CDC73: variants seen among roughly 807,000 people sequenced by gnomAD.
CDC73 encodes parafibromin.
In CDC73, 21 loss-of-function variants were observed where a neutral mutation model predicts 83.7. That is an observed-to-expected ratio of 0.25 (90% CI 0.18 to 0.36). The LOEUF (loss-of-function observed/expected upper bound fraction) is 0.36, where lower values mean the gene tolerates loss of function less well. Among genes scored for constraint, CDC73 ranks in the 10% least tolerant of loss-of-function variants. The probability of loss-of-function intolerance (pLI) is 1.00; values close to 1 mark genes in which losing one functional copy is unlikely to be tolerated. For synonymous variants in CDC73, 224 were observed against 212.9 expected (o/e 1.05, Z -0.45); for missense variants, 342 against 653.3 (o/e 0.52, Z 5.19).
chr1:193,180,551 G>A (rs1676696545), intron 10 of CDC73: 2 of 1,614,058 alleles, frequency 1.2e-6, no homozygotes, highest in African/African-American at 1.3e-5. Context: ...TCTTCCAAGT[G>A]CAAACGGCGG....
intron 10 of CDC73, among the ~76,000 whole-genome samples, chr1:193,162,337 A>C (rs2370027): frequency 0.65 from 84,425 of 129,956 alleles, 28,121 homozygotes; most frequent in South Asian, 0.8. Context: ...TATATACTAT[A>C]TATTATATAT....
At chr1:193,179,396 A>G (rs1396166602) in intron 10 of CDC73, 2 of 152,654 alleles carry the variant, frequency 1.3e-5, no homozygotes, top group South Asian at 2.1e-4. Flanking sequence ...AGTACATCCT[A>G]TTTGTGCCTT....
chr1:193,231,108 T>G (rs1677655490), intron 13 of CDC73, among the ~76,000 whole-genome samples: 2 of 152,210 alleles, frequency 1.3e-5, no homozygotes, highest in Admixed American at 6.5e-5. Context: ...AGTTTGGTAT[T>G]GTAATAGATC....
intron 15 of CDC73, among the ~76,000 whole-genome samples, chr1:193,244,669 AG>A (rs1457898975): frequency 1.3e-5 from 2 of 152,206 alleles, no homozygotes; most frequent in Non-Finnish European, 2.9e-5. Flanking sequence ...TCTTTGTGTC[AG>A]CTGTTCCTTC....
chr1:193,167,339 A>G (rs1676450288), intron 10 of CDC73, among the ~76,000 whole-genome samples: 1 of 152,204 alleles, frequency 6.6e-6, no homozygotes, highest in African/African-American at 2.4e-5. Flanking sequence ...CATAGAGGCT[A>G]ATTCCTCAGC....
At chr1:193,141,357 A>T (rs910540975) in intron 6 of CDC73, among the ~76,000 whole-genome samples, 1 of 152,188 alleles carries the variant, frequency 6.6e-6, no homozygotes, top group Non-Finnish European at 1.5e-5. Context: ...AGATTAAAGG[A>T]GTATGTTTTT....
chr1:193,146,752 G>A (rs773108461), intron 7 of CDC73, among the ~76,000 whole-genome samples: 8 of 152,166 alleles, frequency 5.3e-5, no homozygotes, highest in South Asian at 2.1e-4. Flanking sequence ...GGAAAGAGTC[G>A]TCAGATTAGT....
intron 10 of CDC73, among the ~76,000 whole-genome samples, chr1:193,184,292 G>T (rs1284140643): frequency 6.6e-6 from 1 of 151,696 alleles, no homozygotes; most frequent in Non-Finnish European, 1.5e-5. Flanking sequence ...TTGTTAAAAA[G>T]AATATAAAAT....
rs374856513 is a variant in CDC73 at position 193,233,022 on chromosome 1, A to T, written c.1184A>T (p.Gln395Leu). The change falls in exon 14 of 17, where the codon CAA (glutamine) becomes CTA (leucine). Residue 395 changes from glutamine (Q) to leucine (L), a missense_variant. Physicochemically the swap from Gln to Leu is moderately radical, Grantham distance 113. This residue lies in a region of CDC73 where 239 missense variants were observed against 420.6 expected (regional missense o/e 0.57). Coordinates refer to ENST00000367435, the MANE Select transcript of CDC73 (RefSeq NM_024529.5). ...KFVPSDEKKK[Q>L]GCQRENETLI... ...GTCCCATCAGATGAAAAGAAGAAAC[A>T]AGGTTGTCAACGAGAAAATGAAACT... The T allele has an allele frequency of 2.5e-6, 4 of 1,614,008 alleles. No homozygotes were observed. Among genetic ancestry groups the T allele is most frequent in the Non-Finnish European group, 3.4e-6 (4 of 1,179,834 alleles).
intron 7 of CDC73, among the ~76,000 whole-genome samples, chr1:193,145,462 AT>A (rs985632017): frequency 1.3e-5 from 2 of 152,222 alleles, no homozygotes; most frequent in African/African-American, 4.8e-5. Flanking sequence ...GCTGTCTTCT[AT>A]TAAGCCAGAG....
At chr1:193,238,376 A>C (rs773260484) in intron 15 of CDC73, among the ~76,000 whole-genome samples, 1 of 152,110 alleles carries the variant, frequency 6.6e-6, no homozygotes, top group Non-Finnish European at 1.5e-5. Context: ...TTTTCTGTTC[A>C]TATCCCCTGT....
intron 13 of CDC73, among the ~76,000 whole-genome samples, chr1:193,226,907 C>T (rs947796757): frequency 6.6e-5 from 10 of 152,056 alleles, no homozygotes; most frequent in Admixed American, 3.3e-4. Context: ...ATTCTTCTTC[C>T]AATGTCTGAT....
intron 10 of CDC73, among the ~76,000 whole-genome samples, chr1:193,188,294 A>G (rs1474930452): frequency 2.0e-5 from 3 of 152,176 alleles, no homozygotes; most frequent in East Asian, 1.9e-4. Context: ...ATAAATACTG[A>G]TAAGAATAGA....
chr1:193,130,781 A>G (rs1478553495), intron 3 of CDC73, among the ~76,000 whole-genome samples: 2 of 152,184 alleles, frequency 1.3e-5, no homozygotes, highest in African/African-American at 4.8e-5. Flanking sequence ...AAGGATTGCT[A>G]CATCCTTTGG....
chr1:193,215,326 T>C (rs1377034043), intron 13 of CDC73, among the ~76,000 whole-genome samples: 2 of 152,316 alleles, frequency 1.3e-5, no homozygotes, highest in East Asian at 3.9e-4. Context: ...ACAGTATATC[T>C]AGTTTGACCC....
At chr1:193,169,300 T>C (rs910431618) in intron 10 of CDC73, among the ~76,000 whole-genome samples, 4 of 152,234 alleles carry the variant, frequency 2.6e-5, no homozygotes, top group Non-Finnish European at 4.4e-5. Flanking sequence ...ATCCTAGCAC[T>C]TGGGGAGGCC....
At chr1:193,171,251 A>G (rs927415686) in intron 10 of CDC73, among the ~76,000 whole-genome samples, 25 of 152,174 alleles carry the variant, frequency 1.6e-4, no homozygotes, top group African/African-American at 3.9e-4. Flanking sequence ...TTCATTTTCT[A>G]TTGTCACAGT....
intron 15 of CDC73, among the ~76,000 whole-genome samples, chr1:193,246,067 A>G (rs949146913): frequency 6.6e-6 from 1 of 151,988 alleles, no homozygotes; most frequent in Non-Finnish European, 1.5e-5. Context: ...ATTTTCTCCC[A>G]TTCTTTAGGT....
chr1:193,139,653 C>T (rs747986849), intron 6 of CDC73, among the ~76,000 whole-genome samples: 1 of 152,070 alleles, frequency 6.6e-6, no homozygotes. Flanking sequence ...TACTTTTTAC[C>T]TTGTTGAGGG....
Sources: gnomAD v4.1 joint callset for allele counts (sites outside exome capture counted in the v4.1 genomes callset) on GRCh38, gnomAD v4.1.1 for gene constraint, gnomAD v4.1.1 regional missense constraint, MANE v1.5 for transcripts, NCBI Gene and HGNC (gene_info 2026-07-23, HGNC 2026-07-21) for gene names.